The following CD300LF variants were observed in gnomAD, a reference collection of about 807,000 sequenced individuals.
CD300LF encodes the protein CMRF35-like molecule 1.
Under a neutral mutation model 32.2 loss-of-function variants are expected in CD300LF, and 27 were observed. The ratio of observed to expected loss-of-function variants is 0.84; its 90% CI spans 0.62 to 1.15. The LOEUF is 1.15. Among genes scored for constraint, CD300LF ranks in the 50% most tolerant of loss-of-function variants. The pLI, the probability that CD300LF is intolerant of heterozygous loss-of-function variation, is 0.00. For missense variants in CD300LF, 348 were observed against 356.8 expected, an observed-to-expected ratio of 0.98 and a Z score of 0.20; for synonymous variants, 139 against 143.2, an observed-to-expected ratio of 0.97 and a Z score of 0.21.
chr17:74,696,683 T>C (rs1567783040), intron 4 of CD300LF, among the ~76,000 whole-genome samples: 1 of 152,182 alleles, frequency 6.6e-6, no homozygotes, highest in East Asian at 1.9e-4. Context: ...TCTATGTCTG[T>C]CTCATCATCT....
At chr17:74,696,897 C>T (rs1035710790) in intron 4 of CD300LF, among the ~76,000 whole-genome samples, 3 of 141,192 alleles carry the variant, frequency 2.1e-5, no homozygotes, top group Admixed American at 1.4e-4. Flanking sequence ...CAGTAGGGAC[C>T]GATTTTGTTT....
intron 1 of CD300LF, chr17:74,705,260 T>G: frequency 2.8e-6 from 2 of 702,014 alleles, no homozygotes; most frequent in South Asian, 3.0e-5. Context: ...CCACATCAGA[T>G]GGCTGTGGAG....
At chr17:74,712,730 A>C (rs552426096) in intron 1 of CD300LF, 94 bp downstream of exon 1, 1 of 1,307,516 alleles carries the variant, frequency 7.6e-7, no homozygotes, top group Non-Finnish European at 1.1e-6. Context: ...CATGCCATTA[A>C]GGACACCTTC....
intron 2 of CD300LF, 140 bp from the exon 3 acceptor site, chr17:74,703,238 G>C: frequency 1.0e-6 from 1 of 997,840 alleles, no homozygotes; most frequent in Non-Finnish European, 1.5e-6. Context: ...CTGGGCGGGG[G>C]TCTGGACTGC....
intron 3 of CD300LF, among the ~76,000 whole-genome samples, chr17:74,699,770 C>G (rs2032863968): frequency 6.6e-6 from 1 of 152,140 alleles, no homozygotes; most frequent in Non-Finnish European, 1.5e-5. Flanking sequence ...CTGACAGGCC[C>G]TACTGTAGTG....
At position 74,704,756 on chromosome 17, in the gene CD300LF, G is replaced by A. The variant is rs778379503; in HGVS notation, c.104C>T (p.Ser35Phe). 48 of 1,614,030 alleles carry A rather than the reference G, an allele frequency of 3.0e-5. 1 individual carries two copies. In the Admixed American group the frequency reaches 4.0e-4, roughly 13 times the overall value. ...PTTVNGLERG[S>F]LTVQCVYRSG... is the part of the protein sequence containing the mutation. ...TCTGTAAACACACTGCACGGTCAAGGAGCCCCGCTCCAAGCCATTCACTGT... is the reference window on the plus strand; with the variant it reads ...TCTGTAAACACACTGCACGGTCAAGAAGCCCCGCTCCAAGCCATTCACTGT... The change falls in exon 2 of 7, where the codon TCC becomes TTC. Residue 35 changes from serine (S) to phenylalanine (F), a missense_variant. Ser to Phe is a radical substitution (Grantham distance 155). Transcript: ENST00000326165.
At position 74,695,247 on chromosome 17, in the gene CD300LF, G is replaced by A. The variant is rs2032319909; in HGVS notation, c.722C>T (p.Ser241Phe). Residue 241 changes from serine (S) to phenylalanine (F), a missense_variant, in exon 7 of 7, where the codon TCC becomes TTC. Coordinates refer to ENST00000326165, the MANE Select transcript of CD300LF (RefSeq NM_139018.5). ...QVEVEYVTMA[S>F]LPKEDISYAS... Reference sequence around the variant, plus strand: ...ATAGGAAATGTCCTCCTTCGGCAAGGAAGCCTGCAGCAAAGGCGGGCTCCA... The same window carrying A: ...ATAGGAAATGTCCTCCTTCGGCAAGAAAGCCTGCAGCAAAGGCGGGCTCCA... 6.2e-7 allele frequency: 1 copy of A among 1,613,944 alleles called. No homozygotes were observed. Among genetic ancestry groups the A allele is most frequent in the East Asian group, 2.2e-5 (1 of 44,882 alleles).
intron 6 of CD300LF, among the ~76,000 whole-genome samples, 163 bp downstream of exon 6, chr17:74,695,562 C>T (rs550862137): frequency 2.0e-5 from 3 of 152,292 alleles, no homozygotes; most frequent in Non-Finnish European, 4.4e-5. Context: ...TGAGACTTGC[C>T]TGTGGGAGCT....
rs898100644 is a variant in CD300LF at position 74,702,410 on chromosome 17, A to G, written c.446+625T>C. Among the ~76,000 whole-genome samples, 111 of 152,234 alleles carry G rather than the reference A, an allele frequency of 7.3e-4. 1 individual carries two copies. Among genetic ancestry groups the G allele is most frequent in the Non-Finnish European group, 1.8e-4 (12 of 68,030 alleles). ...TCTTCTGTAAAATGGGAACATTTGTATCTGCCCATTCTTCCACATGGGGTG... is the reference window on the plus strand; with the variant it reads ...TCTTCTGTAAAATGGGAACATTTGTGTCTGCCCATTCTTCCACATGGGGTG... On this transcript the variant is annotated intron_variant, in intron 3 of 6. Transcript: ENST00000326165.
At chr17:74,709,648 C>T (rs1358695698) in intron 1 of CD300LF, among the ~76,000 whole-genome samples, 1 of 151,992 alleles carries the variant, frequency 6.6e-6, no homozygotes, top group Non-Finnish European at 1.5e-5. Context: ...GTCACTGCAG[C>T]CTCAAGTCCT....
At position 74,704,692 on chromosome 17, in the gene CD300LF, T is replaced by A. The variant is rs370878758; in HGVS notation, c.168A>T (p.Gly56=). 8.1e-6 allele frequency: 13 copies of A among 1,613,982 alleles called. No individual in the cohort carries two copies. In the African/African-American group the frequency reaches 1.6e-4, roughly 20 times the overall value. ...GGATCTTGCAGTCACGCCAAATAGC[T>A]CCTCGACACCACCACTTCAAGTAGG... is the stretch of plus-strand genomic sequence containing the variant. The part of the protein sequence containing the change: ...WETYLKWWCR[G]AIWRDCKILV... The change falls in exon 2 of 7, where the codon GGA becomes GGT. Residue 56 remains glycine (G), a synonymous_variant. Transcript: ENST00000326165.
chr17:74,707,717 A>G (rs892494089), intron 1 of CD300LF, among the ~76,000 whole-genome samples: 69 of 129,196 alleles, frequency 5.3e-4, no homozygotes, highest in Admixed American at 4.1e-3. Flanking sequence ...TCCATCTCAG[A>G]AAAAAAAAAA....
At chr17:74,707,139 C>T (rs1348484869) in intron 1 of CD300LF, among the ~76,000 whole-genome samples, 1 of 152,142 alleles carries the variant, frequency 6.6e-6, no homozygotes, top group Non-Finnish European at 1.5e-5. Context: ...ACAAATGGGA[C>T]TCACAAAACC....
chr17:74,695,720 C>T lies in CD300LF; in HGVS notation c.717+5G>A, dbSNP rs747675801. Reference sequence around the variant, plus strand: ...GCCTCACAGCAGCCCCCATGGAGGACGCACCATGGTGACATATTCCACTTC... The same window carrying T: ...GCCTCACAGCAGCCCCCATGGAGGATGCACCATGGTGACATATTCCACTTC... On this transcript the variant is annotated splice_donor_5th_base_variant and intron_variant, in intron 6 of 6. Coordinates refer to ENST00000326165, the MANE Select transcript of CD300LF (RefSeq NM_139018.5). 14 of 1,613,960 alleles carry T rather than the reference C, an allele frequency of 8.7e-6. No individual in the cohort carries two copies. Among genetic ancestry groups the T allele is most frequent in the African/African-American group, 2.7e-5 (2 of 74,918 alleles).
rs572381091 is a variant in CD300LF at position 74,707,236 on chromosome 17, C to CT, written c.44-2421dup. The stretch of plus-strand genomic sequence containing the variant: ...GAGAAAATATTTGCAAACCATAAAT[C>CT]TGACAAAGAGCTGATATCCAAAATA... On this transcript the variant is annotated intron_variant, in intron 1 of 6. Transcript: ENST00000326165. Among the ~76,000 whole-genome samples, 8 of 152,302 alleles carry CT rather than the reference C, an allele frequency of 5.3e-5. No individual in the cohort carries two copies. In the East Asian group the frequency reaches 1.5e-3, roughly 29 times the overall value.
intron 1 of CD300LF, among the ~76,000 whole-genome samples, chr17:74,709,936 G>T (rs1263590296): frequency 6.6e-6 from 1 of 151,860 alleles, no homozygotes; most frequent in Non-Finnish European, 1.5e-5. Flanking sequence ...AACAAAACAT[G>T]AATTCCCAAT....
intron 2 of CD300LF, among the ~76,000 whole-genome samples, chr17:74,703,884 G>A (rs980742828): frequency 2.6e-4 from 40 of 152,222 alleles, no homozygotes; most frequent in African/African-American, 9.6e-4. Flanking sequence ...CATTCTAGAA[G>A]GACATAGGAA....
Position 74,712,869 on chromosome 17 carries a change from T to A in CD300LF, c.-3A>T. 6.2e-7 allele frequency: 1 copy of A among 1,613,848 alleles called. No homozygotes were observed. Among genetic ancestry groups the A allele is most frequent in the Non-Finnish European group, 8.5e-7 (1 of 1,179,914 alleles). ...AGGTAGAGTGTCAGCAGGGGCATCT[T>A]CTCTTCAGACAGGTCCCCGTTCCCC... is the stretch of plus-strand genomic sequence containing the variant. On this transcript the variant is annotated 5_prime_UTR_variant, in exon 1 of 7. Coordinates refer to ENST00000326165, the MANE Select transcript of CD300LF (RefSeq NM_139018.5).
chr17:74,711,392 C>T (rs1170266196), intron 1 of CD300LF, among the ~76,000 whole-genome samples: 1 of 152,224 alleles, frequency 6.6e-6, no homozygotes, highest in Non-Finnish European at 1.5e-5. Context: ...GTCCTGGTCT[C>T]ACTGTGCCAA....
Sources: gnomAD v4.1 joint callset for allele counts (sites outside exome capture counted in the v4.1 genomes callset) on GRCh38, gnomAD v4.1.1 for gene constraint, MANE v1.5 for transcripts, NCBI Gene and HGNC (gene_info 2026-07-23, HGNC 2026-07-21) for gene names.